The following NOSTRIN variants were observed in gnomAD, a reference collection of about 807,000 sequenced individuals.
The protein encoded by NOSTRIN is nitric oxide synthase trafficking.
A neutral mutation model predicts 59.0 loss-of-function variants in NOSTRIN; 63 were observed. The ratio of observed to expected loss-of-function variants is 1.07; its 90% CI spans 0.87 to 1.32. The LOEUF is 1.32. NOSTRIN is among the 40% of genes most tolerant of loss of function. The pLI is 0.00. For synonymous variants in NOSTRIN, 200 were observed against 165.4 expected, an observed-to-expected ratio of 1.21 and a Z score of -1.61; for missense variants, 512 against 473.1, an observed-to-expected ratio of 1.08 and a Z score of -0.76.
rs763023201 is a variant in NOSTRIN at position 168,851,020 on chromosome 2, T to C, written c.631-64T>C. Reference sequence around the variant, plus strand: ...GTCTGTCTTCAGGTGTGTCAGTGTTTGATGAGTGACTTCCATTTTGCATAA... The same window carrying C: ...GTCTGTCTTCAGGTGTGTCAGTGTTCGATGAGTGACTTCCATTTTGCATAA... On this transcript the variant is annotated intron_variant, in intron 8 of 15. Transcript: ENST00000317647. The C allele has an allele frequency of 3.1e-6, 3 of 978,514 alleles. No individual in the cohort carries two copies. The African/African-American group carries it at 4.7e-5, about 15-fold the overall frequency. The allele number at this position is 978,514 out of a possible 1,614,324, so 60.6% of individuals were successfully genotyped here.
chr2:168,857,170 A>G (rs978923874), intron 12 of NOSTRIN, among the ~76,000 whole-genome samples: 1 of 152,224 alleles, frequency 6.6e-6, no homozygotes. Context: ...TAGTTTTCTC[A>G]TCCGCAAAAT....
At chr2:168,824,540 C>G in intron 2 of NOSTRIN, 94 bp from the exon 3 acceptor site, 1 of 705,420 alleles carries the variant, frequency 1.4e-6, no homozygotes, top group East Asian at 2.8e-5. Context: ...CTCAAGTGAT[C>G]TGCCTGCCTT....
intron 10 of NOSTRIN, among the ~76,000 whole-genome samples, chr2:168,853,920 T>A (rs2105765434): frequency 6.6e-6 from 1 of 152,176 alleles, no homozygotes; most frequent in South Asian, 2.1e-4. Context: ...CAGGCTGGAG[T>A]GTAGTGGCAC....
intron 7 of NOSTRIN, among the ~76,000 whole-genome samples, 173 bp downstream of exon 7, chr2:168,834,498 C>CAT (rs1559122812): frequency 9.8e-6 from 1 of 101,984 alleles, no homozygotes; most frequent in African/African-American, 3.6e-5. Context: ...CGTGCGCGCG[C>CAT]GCGCGCGCGC....
intron 6 of NOSTRIN, among the ~76,000 whole-genome samples, chr2:168,833,561 T>C (rs1255724110): frequency 6.6e-6 from 1 of 152,212 alleles, no homozygotes; most frequent in Admixed American, 6.5e-5. Context: ...TGGAGCATCA[T>C]CTTCAGTTAA....
intron 2 of NOSTRIN, among the ~76,000 whole-genome samples, chr2:168,818,792 CAG>C (rs1277760090): frequency 1.3e-5 from 2 of 152,102 alleles, no homozygotes; most frequent in Non-Finnish European, 2.9e-5. Context: ...GATTAAAAGT[CAG>C]TGCATGTCAC....
intron 2 of NOSTRIN, among the ~76,000 whole-genome samples, chr2:168,790,304 G>A (rs555525230): frequency 6.6e-6 from 1 of 152,270 alleles, no homozygotes; most frequent in Admixed American, 6.5e-5. Context: ...ATAATAAACT[G>A]AAAATGTGAT....
intron 15 of NOSTRIN, among the ~76,000 whole-genome samples, 195 bp from the exon 16 acceptor site, chr2:168,864,639 C>T (rs1050162543): frequency 5.3e-5 from 8 of 152,172 alleles, no homozygotes; most frequent in Non-Finnish European, 7.4e-5. Context: ...CATTATCTTA[C>T]TCTTTTTAGT....
chr2:168,842,327 A>G (rs1196733738), intron 7 of NOSTRIN, among the ~76,000 whole-genome samples: 2 of 152,092 alleles, frequency 1.3e-5, no homozygotes, highest in African/African-American at 4.8e-5. Flanking sequence ...TCTGAGTCCC[A>G]AGATGTGCCT....
intron 6 of NOSTRIN, among the ~76,000 whole-genome samples, chr2:168,833,614 C>G (rs1373397430): frequency 1.3e-5 from 2 of 152,252 alleles, no homozygotes. Flanking sequence ...AAATCCTAAC[C>G]CACTCCAAAG....
intron 7 of NOSTRIN, 148 bp downstream of exon 7, chr2:168,834,473 C>T (rs1196634797): frequency 1.5e-5 from 7 of 465,236 alleles, no homozygotes; most frequent in African/African-American, 9.3e-5. Context: ...AAAGGGGATT[C>T]CAAATCATTA....
intron 1 of NOSTRIN, among the ~76,000 whole-genome samples, chr2:168,787,189 G>C (rs1266102820): frequency 1.3e-5 from 2 of 152,124 alleles, no homozygotes; most frequent in South Asian, 2.1e-4. Flanking sequence ...AAAGAGGAAA[G>C]GCATTTGAGA....
chr2:168,834,377 G>A (rs769445435), intron 7 of NOSTRIN, 52 bp downstream of exon 7: 2 of 835,218 alleles, frequency 2.4e-6, no homozygotes, highest in South Asian at 2.7e-5. Context: ...GGATGGACTT[G>A]CTGCCCTTAG....
In NOSTRIN at chr2:168,865,240, T is replaced by C. The variant is rs1346649521; in HGVS notation, c.*270T>C. 2 of 341,782 alleles carry C rather than the reference T, an allele frequency of 5.9e-6. No individual in the cohort carries two copies. The highest frequency in any genetic ancestry group is 1.1e-5 in the Non-Finnish European group (2 of 187,126). The allele number at this position is 341,782 out of a possible 1,614,324, so 21.2% of individuals were successfully genotyped here. On this transcript the variant is annotated 3_prime_UTR_variant, in exon 16 of 16. Coordinates refer to ENST00000317647, the MANE Select transcript of NOSTRIN (RefSeq NM_001039724.4). Reference sequence around the variant, plus strand: ...CCTAGAGATGATCCAGTATAACCCCTGGTGTCACAGAAACAGACGGAGTCC... The same window carrying C: ...CCTAGAGATGATCCAGTATAACCCCCGGTGTCACAGAAACAGACGGAGTCC...
intron 8 of NOSTRIN, among the ~76,000 whole-genome samples, chr2:168,843,987 C>T (rs1249010917): frequency 6.6e-6 from 1 of 152,116 alleles, no homozygotes; most frequent in African/African-American, 2.4e-5. Context: ...CAAATATGCT[C>T]GCATTTGGAA....
intron 7 of NOSTRIN, among the ~76,000 whole-genome samples, chr2:168,837,300 C>CTTTTTTTTTTTTTTTTTTTTT (rs761309524): frequency 1.6e-5 from 1 of 62,162 alleles, no homozygotes; most frequent in Non-Finnish European, 3.2e-5. Context: ...TTTTTAACAT[C>CTTTTTTTTTTTTTTTTTTTTT]TTTTTTTTTT....
At chr2:168,852,505 G>C (rs1397927697) in intron 10 of NOSTRIN, among the ~76,000 whole-genome samples, 1 of 152,154 alleles carries the variant, frequency 6.6e-6, no homozygotes, top group Non-Finnish European at 1.5e-5. Flanking sequence ...ACCAAAACCT[G>C]CAGAAAGAAT....
chr2:168,809,970 T>TA (rs990869422), intron 1 of NOSTRIN, among the ~76,000 whole-genome samples: 19 of 150,710 alleles, frequency 1.3e-4, no homozygotes, highest in East Asian at 1.9e-4. Flanking sequence ...TTGCTACCAT[T>TA]AAAAAAAAAT....
At chr2:168,847,993 G>A (rs1688528740) in intron 8 of NOSTRIN, among the ~76,000 whole-genome samples, 1 of 152,154 alleles carries the variant, frequency 6.6e-6, no homozygotes, top group Admixed American at 6.6e-5. Flanking sequence ...ACTTGTCAAA[G>A]TAAAGAAACA....
Sources: allele counts gnomAD v4.1 joint callset (sites outside exome capture counted in the v4.1 genomes callset), GRCh38; gene constraint gnomAD v4.1.1; transcripts MANE v1.5; gene names NCBI Gene and HGNC (gene_info 2026-07-23, HGNC 2026-07-21).